The following KIAA0825 variants were observed in gnomAD, a reference collection of about 807,000 sequenced individuals.
KIAA0825 encodes KIAA0825.
KIAA0825 carries 119 observed loss-of-function variants against 147.6 expected under a neutral mutation model. The observed-to-expected ratio is 0.81, with a 90% CI of 0.69 to 0.94. The LOEUF (loss-of-function observed/expected upper bound fraction) is 0.94. Among genes scored for constraint, KIAA0825 ranks in the 40% least tolerant of loss-of-function variants. The probability of loss-of-function intolerance (pLI) is 0.00; values close to 1 mark genes in which losing one functional copy is unlikely to be tolerated. For synonymous variants in KIAA0825, 470 were observed against 518.1 expected (o/e 0.91, Z 1.26); for missense variants, 1,381 against 1,472.7 (o/e 0.94, Z 1.02).
chr5:94,470,641 C>T (rs1403017807), intron 9 of KIAA0825, among the ~76,000 whole-genome samples: 1 of 152,148 alleles, frequency 6.6e-6, no homozygotes, highest in African/African-American at 2.4e-5. Flanking sequence ...TAAATTCAAG[C>T]ATGAATCACA....
chr5:94,227,074 G>A (rs527275507), intron 20 of KIAA0825, among the ~76,000 whole-genome samples: 1 of 152,210 alleles, frequency 6.6e-6, no homozygotes, highest in South Asian at 2.1e-4. Flanking sequence ...TATAAATCAT[G>A]CTGCTATAAA....
At chr5:94,266,770 T>A (rs981459867) in intron 20 of KIAA0825, among the ~76,000 whole-genome samples, 1 of 152,230 alleles carries the variant, frequency 6.6e-6, no homozygotes, top group South Asian at 2.1e-4. Context: ...TATGTTAATA[T>A]GTAATTGGTT....
intron 20 of KIAA0825, among the ~76,000 whole-genome samples, chr5:94,252,464 TATAG>T (rs950247378): frequency 2.6e-5 from 4 of 151,552 alleles, no homozygotes; most frequent in African/African-American, 7.3e-5. Flanking sequence ...TGTATATATA[TATAG>T]AGAGAGAGAG....
intron 20 of KIAA0825, among the ~76,000 whole-genome samples, chr5:94,382,172 T>C (rs1748503154): frequency 6.6e-6 from 1 of 152,206 alleles, no homozygotes; most frequent in African/African-American, 2.4e-5. Flanking sequence ...CTGCTCTGAA[T>C]TCTTTCCTTT....
chr5:94,480,405 A>C (rs1762364641), intron 6 of KIAA0825, among the ~76,000 whole-genome samples: 1 of 152,136 alleles, frequency 6.6e-6, no homozygotes, highest in South Asian at 2.1e-4. Flanking sequence ...TTTTTAGAAC[A>C]GAAAAAATAA....
chr5:94,400,217 G>A lies in KIAA0825; in HGVS notation c.2887+3352C>T, dbSNP rs532131593. Among the ~76,000 whole-genome samples, 9 of 152,166 alleles carry A rather than the reference G, an allele frequency of 5.9e-5. No individual in the cohort carries two copies. The East Asian group carries it at 7.7e-4, about 13-fold the overall frequency. On this transcript the variant is annotated intron_variant, in intron 16 of 20. Coordinates refer to ENST00000682413, the MANE Select transcript of KIAA0825 (RefSeq NM_001145678.3). ...ATGTAAATATGTTGTTCTTGCAAAC[G>A]AATGGAAAAATATTTTATTTTTATA...
intron 1 of KIAA0825, among the ~76,000 whole-genome samples, chr5:94,607,293 T>C (rs984170397): frequency 4.6e-5 from 7 of 152,100 alleles, no homozygotes; most frequent in Admixed American, 2.0e-4. Context: ...TTTTGCTATA[T>C]TGACATTTGC....
At chr5:94,590,768 T>C (rs998350512) in intron 1 of KIAA0825, among the ~76,000 whole-genome samples, 2 of 152,186 alleles carry the variant, frequency 1.3e-5, no homozygotes, top group Admixed American at 6.5e-5. Context: ...ACATTGGTTA[T>C]CTAAGGAAAG....
At chr5:94,438,661 C>T (rs76773272) in intron 14 of KIAA0825, among the ~76,000 whole-genome samples, 2,865 of 152,186 alleles carry the variant, frequency 0.019, 85 homozygotes, top group African/African-American at 0.066. Flanking sequence ...TCACAAGAGA[C>T]ACTGCTCCTA....
At chr5:94,337,360 T>C (rs1781922277) in intron 20 of KIAA0825, among the ~76,000 whole-genome samples, 1 of 152,224 alleles carries the variant, frequency 6.6e-6, no homozygotes. Context: ...TTTCTTCAGC[T>C]ATTTGGTTTT....
In KIAA0825 at chr5:94,198,417, T is replaced by A. The variant is rs1771347628; in HGVS notation, c.3711-44293A>T. ...GTCTGCAAAGAGAGAGAGTTTAAAT[T>A]TTTTTTTTTTTTAAATTTTTGTCTG... is the stretch of plus-strand genomic sequence containing the variant. On this transcript the variant is annotated intron_variant, in intron 20 of 20. Transcript: ENST00000682413. Among the ~76,000 whole-genome samples, 3 of 142,694 alleles carry A rather than the reference T, an allele frequency of 2.1e-5. No individual in the cohort carries two copies. In the South Asian group the frequency reaches 6.4e-4, roughly 30 times the overall value. 93.6% of individuals were successfully genotyped at this position (142,694 alleles called of 152,430 possible). A position where few individuals can be genotyped will look rare whatever the true frequency, so the allele number is the denominator to read the frequency against.
intron 13 of KIAA0825, among the ~76,000 whole-genome samples, chr5:94,451,812 G>A (rs936058498): frequency 4.6e-5 from 7 of 152,108 alleles, no homozygotes; most frequent in Admixed American, 3.9e-4. Context: ...AAGCAAATGT[G>A]ATAATAACAT....
intron 20 of KIAA0825, among the ~76,000 whole-genome samples, chr5:94,337,648 G>A (rs997837153): frequency 6.6e-6 from 1 of 152,162 alleles, no homozygotes; most frequent in African/African-American, 2.4e-5. Flanking sequence ...GTGTATCTGA[G>A]GAATAGTCTA....
intron 2 of KIAA0825, among the ~76,000 whole-genome samples, chr5:94,565,534 G>T (rs1483385899): frequency 6.6e-6 from 1 of 151,722 alleles, no homozygotes; most frequent in African/African-American, 2.4e-5. Context: ...AAGAGATGGG[G>T]TTTCACCATG....
At chr5:94,248,533 G>T (rs1019656464) in intron 20 of KIAA0825, among the ~76,000 whole-genome samples, 1 of 152,128 alleles carries the variant, frequency 6.6e-6, no homozygotes, top group Non-Finnish European at 1.5e-5. Flanking sequence ...CTGAGCTACT[G>T]CTCGGCCTTG....
At position 94,453,207 on chromosome 5, in the gene KIAA0825, C is replaced by G. The variant is rs1236084923; in HGVS notation, c.2247-138G>C. 4 of 582,892 alleles carry G rather than the reference C, an allele frequency of 6.9e-6. No individual in the cohort carries two copies. The Admixed American group carries it at 1.2e-4, about 18-fold the overall frequency. The allele number at this position is 582,892 out of a possible 1,614,324, so 36.1% of individuals were successfully genotyped here. ...CTTTGTTTGGAGACAGAGTCTTGCTCTGTCGCCCAGTCTGGAGTGTAGTGG... is the reference window on the plus strand; with the variant it reads ...CTTTGTTTGGAGACAGAGTCTTGCTGTGTCGCCCAGTCTGGAGTGTAGTGG... On this transcript the variant is annotated intron_variant, in intron 12 of 20. Transcript: ENST00000682413.
chr5:94,152,390 T>C lies in KIAA0825; in HGVS notation c.*1617A>G, dbSNP rs902752942. Among the ~76,000 whole-genome samples the C allele has an allele frequency of 6.6e-6, 1 of 152,144 alleles. No individual in the cohort carries two copies. Among genetic ancestry groups the C allele is most frequent in the Non-Finnish European group, 1.5e-5 (1 of 68,022 alleles). On this transcript the variant is annotated 3_prime_UTR_variant, in exon 21 of 21. Transcript: ENST00000682413. ...ATGTCATATGGTCTAAAATAGCCCA[T>C]GATGTAAGGCTTCTGGGCCTGGTGT... is the stretch of plus-strand genomic sequence containing the variant.
intron 3 of KIAA0825, among the ~76,000 whole-genome samples, chr5:94,525,413 A>G (rs528257768): frequency 1.3e-5 from 2 of 152,018 alleles, no homozygotes; most frequent in East Asian, 3.9e-4. Context: ...CTTGAAACAA[A>G]TACATTCTGA....
At chr5:94,353,185 C>A (rs946921393) in intron 20 of KIAA0825, among the ~76,000 whole-genome samples, 1 of 152,030 alleles carries the variant, frequency 6.6e-6, no homozygotes, top group African/African-American at 2.4e-5. Context: ...TTTAAAAAAA[C>A]TATTTATTAG....
Sources: allele counts gnomAD v4.1 joint callset (sites outside exome capture counted in the v4.1 genomes callset), GRCh38; gene constraint gnomAD v4.1.1; transcripts MANE v1.5; gene names NCBI Gene and HGNC (gene_info 2026-07-23, HGNC 2026-07-21).